The following SIM2 variants were observed in gnomAD, a reference collection of about 807,000 sequenced individuals.
SIM2 encodes SIM bHLH transcription factor 2.
SIM2 carries 28 observed loss-of-function variants against 64.8 expected under a neutral mutation model. The ratio of observed to expected loss-of-function variants is 0.43; its 90% CI spans 0.32 to 0.59. The LOEUF (loss-of-function observed/expected upper bound fraction) is 0.59, where lower values mean the gene tolerates loss of function less well. SIM2 is among the 20% of genes least tolerant of loss of function. SIM2 has a pLI of 0.07. For missense variants in SIM2, 847 were observed against 871.4 expected (o/e 0.97, Z 0.35); for synonymous variants, 408 against 391.1 (o/e 1.04, Z -0.51).
At chr21:36,727,570 G>A (rs184540231) in intron 6 of SIM2, among the ~76,000 whole-genome samples, 196 of 152,238 alleles carry the variant, frequency 1.3e-3, no homozygotes, top group African/African-American at 4.2e-3. Flanking sequence ...GATAATAGAC[G>A]GAAGCATTGG....
rs768946212 is a variant in SIM2, at chr21:36,699,972, G to T, written c.175+51G>T. Reference sequence around the variant, plus strand: ...GACGCTGGGGAGCCCGGCGGCCCCGGCCCAGGCGGGAAGCGCAAGCCAGCC... The same window carrying T: ...GACGCTGGGGAGCCCGGCGGCCCCGTCCCAGGCGGGAAGCGCAAGCCAGCC... On this transcript the variant is annotated intron_variant, in intron 1 of 10. Transcript: ENST00000290399. The surrounding 1 kb of genome is among the most constrained non-coding windows in gnomAD (Gnocchi z 5.6). 1.6e-5 allele frequency: 25 copies of T among 1,516,296 alleles called. No homozygotes were observed. In the Admixed American group the frequency reaches 2.0e-4, roughly 12 times the overall value. The allele number at this position is 1,516,296 out of a possible 1,614,324, so 93.9% of individuals were successfully genotyped here. A position where few individuals can be genotyped will look rare whatever the true frequency, so the allele number is the denominator to read the frequency against.
intron 7 of SIM2, among the ~76,000 whole-genome samples, chr21:36,740,722 G>A (rs1314955121): frequency 6.6e-6 from 1 of 152,124 alleles, no homozygotes; most frequent in Non-Finnish European, 1.5e-5. Context: ...AATTTTTGTT[G>A]GAAATGCACC....
chr21:36,738,092 G>A (rs2089100226), intron 7 of SIM2, among the ~76,000 whole-genome samples: 1 of 151,946 alleles, frequency 6.6e-6, no homozygotes, highest in Non-Finnish European at 1.5e-5. Flanking sequence ...ATCCGTGGAT[G>A]GATCCTCAGT....
intron 9 of SIM2, among the ~76,000 whole-genome samples, chr21:36,744,030 C>T (rs2089196875): frequency 6.6e-6 from 1 of 152,174 alleles, no homozygotes; most frequent in Non-Finnish European, 1.5e-5. Flanking sequence ...AGGTGGATCA[C>T]CTGAGGTCAG....
At chr21:36,706,899 T>A (rs2088591989) in intron 1 of SIM2, among the ~76,000 whole-genome samples, 1 of 152,250 alleles carries the variant, frequency 6.6e-6, no homozygotes, top group Non-Finnish European at 1.5e-5. Context: ...TATCTTGAAC[T>A]GTGCGGGTAT....
intron 3 of SIM2, among the ~76,000 whole-genome samples, chr21:36,716,351 T>C (rs1457624578): frequency 6.6e-6 from 1 of 152,046 alleles, no homozygotes; most frequent in Non-Finnish European, 1.5e-5. Flanking sequence ...CTAGTATACA[T>C]GTTCAAATAA....
At chr21:36,736,065 C>T (rs565870410) in intron 7 of SIM2, among the ~76,000 whole-genome samples, 3 of 152,322 alleles carry the variant, frequency 2.0e-5, no homozygotes, top group African/African-American at 4.8e-5. Context: ...CGTGGCTGCC[C>T]GAGGGATGCG....
At position 36,744,971 on chromosome 21, in the gene SIM2, TCCC is replaced by T. The variant is rs1363788179; in HGVS notation, c.1413_1415del (p.Pro472del). Reference sequence around the variant, plus strand: ...GGCCAAGTTCGGGCAGCCCCAAGGATCCCCTTGTGAGGTGGCACGCTTTTTCCT... The same window carrying T: ...GGCCAAGTTCGGGCAGCCCCAAGGATCTTGTGAGGTGGCACGCTTTTTCCT... On this transcript the variant is annotated inframe_deletion, in exon 10 of 11. Transcript: ENST00000290399. The T allele has an allele frequency of 1.2e-6, 2 of 1,614,190 alleles. No individual in the cohort carries two copies. Among genetic ancestry groups the T allele is most frequent in the South Asian group, 2.2e-5 (2 of 91,082 alleles).
At position 36,744,710 on chromosome 21, in the gene SIM2, A is replaced by G. The variant is rs1231365425; in HGVS notation, c.1168-18A>G. 4.5e-6 allele frequency: 7 copies of G among 1,569,818 alleles called. No individual in the cohort carries two copies. The highest frequency in any genetic ancestry group is 1.7e-4 in the Middle Eastern group (1 of 5,988). ...CCGGCCCCTCGCTGGCCCTTCATCC[A>G]TCTTCTTTGCCATGCAGCAATACAG... is the stretch of plus-strand genomic sequence containing the variant. On this transcript the variant is annotated intron_variant, in intron 9 of 10. Coordinates refer to ENST00000290399, the MANE Select transcript of SIM2 (RefSeq NM_005069.6).
intron 3 of SIM2, 145 bp downstream of exon 3, chr21:36,712,767 T>C (rs2088694793): frequency 5.0e-6 from 3 of 599,430 alleles, no homozygotes; most frequent in Non-Finnish European, 8.9e-6. Flanking sequence ...AATCCTCTTC[T>C]CAGGACATCC....
chr21:36,700,002 C>T, intron 1 of SIM2, 81 bp downstream of exon 1: 1 of 1,412,102 alleles, frequency 7.1e-7, no homozygotes, highest in Admixed American at 2.7e-5. Flanking sequence ...CCAGCCCGCC[C>T]AGAGGGGTTG....
intron 6 of SIM2, among the ~76,000 whole-genome samples, chr21:36,727,651 C>A (rs1425050380): frequency 6.6e-6 from 1 of 152,122 alleles, no homozygotes; most frequent in Non-Finnish European, 1.5e-5. Flanking sequence ...GCTGTGCAGT[C>A]GGGAATAAGC....
In SIM2 at chr21:36,743,493, T is replaced by G. The variant is rs763580102; in HGVS notation, c.1105T>G (p.Leu369Val). Residue 369 changes from leucine (L) to valine (V), a missense_variant, in exon 9 of 11, where the codon TTA becomes GTA. Coordinates refer to ENST00000290399, the MANE Select transcript of SIM2 (RefSeq NM_005069.6). The stretch of plus-strand genomic sequence containing the variant: ...GTCTACCTCACAAGAAACTAGGAAA[T>G]TAGTGAAACCCAAAAATACCAAGAT... ...ALSTSQETRK[L>V]VKPKNTKMKT... 43 of 1,614,054 alleles carry G rather than the reference T, an allele frequency of 2.7e-5. No individual in the cohort carries two copies. The African/African-American group carries it at 4.5e-4, about 17-fold the overall frequency.
In SIM2 at chr21:36,748,024, A is replaced by G. The variant is rs991788855; in HGVS notation, c.1936A>G (p.Thr646Ala). The G allele has an allele frequency of 6.0e-6, 7 of 1,173,760 alleles. No homozygotes were observed. In the African/African-American group the frequency reaches 1.1e-4, roughly 19 times the overall value. 72.7% of individuals were successfully genotyped at this position (1,173,760 alleles called of 1,614,324 possible). Residue 646 changes from threonine (T) to alanine (A), a missense_variant, in exon 11 of 11, where the codon ACC (threonine) becomes GCC (alanine). By Grantham distance (58) the Thr-to-Ala change is moderately conservative. This residue lies in a region of SIM2 where 447 missense variants were observed against 414.6 expected (regional missense o/e 1.08). Coordinates refer to ENST00000290399, the MANE Select transcript of SIM2 (RefSeq NM_005069.6). Reference sequence around the variant, plus strand: ...GCTCCGGCACCCGAGCCCCGCCGCCACCTCCCCGCCCGGCGCGCCCCTGCC... The same window carrying G: ...GCTCCGGCACCCGAGCCCCGCCGCCGCCTCCCCGCCCGGCGCGCCCCTGCC... Reference protein sequence around the residue: ...LRLRHPSPAATSPPGAPLPHY... With the variant: ...LRLRHPSPAAASPPGAPLPHY...
chr21:36,739,780 G>T (rs1399759447), intron 7 of SIM2, among the ~76,000 whole-genome samples: 1 of 152,110 alleles, frequency 6.6e-6, no homozygotes, highest in African/African-American at 2.4e-5. Flanking sequence ...TGCATAGTTT[G>T]CCATAATGGC....
At chr21:36,731,970 C>G (rs1017659465) in intron 7 of SIM2, among the ~76,000 whole-genome samples, 1 of 152,174 alleles carries the variant, frequency 6.6e-6, no homozygotes, top group Non-Finnish European at 1.5e-5. Context: ...GCAACCTCCG[C>G]CTCCTGGGTT....
At chr21:36,735,136 G>GTC (rs2089025349) in intron 7 of SIM2, among the ~76,000 whole-genome samples, 1 of 152,192 alleles carries the variant, frequency 6.6e-6, no homozygotes, top group Admixed American at 6.5e-5. Flanking sequence ...CTGAGGTATT[G>GTC]ATACCCCTGT....
Position 36,699,597 on chromosome 21 carries a change from C to T in SIM2, c.-150C>T, listed in dbSNP as rs1358760772. On this transcript the variant is annotated 5_prime_UTR_variant, in exon 1 of 11. Transcript: ENST00000290399. This position sits in a 1 kb window ranked among gnomAD's most constrained non-coding sequence, Gnocchi z 5.6. Reference sequence around the variant, plus strand: ...CGGCTGCGGGGAGGCGTCTCGGAACCCCGGGAGGCCCCCCGCACCTGCCCG... The same window carrying T: ...CGGCTGCGGGGAGGCGTCTCGGAACTCCGGGAGGCCCCCCGCACCTGCCCG... 2.6e-6 allele frequency: 2 copies of T among 762,672 alleles called. No homozygotes were observed. The highest frequency in any genetic ancestry group is 3.9e-6 in the Non-Finnish European group (2 of 515,280). The allele number at this position is 762,672 out of a possible 1,614,324, so 47.2% of individuals were successfully genotyped here. A position where few individuals can be genotyped will look rare whatever the true frequency, so the allele number is the denominator to read the frequency against.
chr21:36,715,886 G>A (rs576966598), intron 3 of SIM2, among the ~76,000 whole-genome samples: 1 of 152,142 alleles, frequency 6.6e-6, no homozygotes, highest in Non-Finnish European at 1.5e-5. Context: ...TGCTTCGTAT[G>A]GCAGAGCTAA....
Sources: gnomAD v4.1 joint callset for allele counts (sites outside exome capture counted in the v4.1 genomes callset) on GRCh38, gnomAD v4.1.1 for gene constraint, gnomAD v4.1.1 regional missense constraint, Gnocchi (gnomAD v3.1) non-coding constraint, MANE v1.5 for transcripts, NCBI Gene and HGNC (gene_info 2026-07-23, HGNC 2026-07-21) for gene names.